Variants in SLC25A48 observed in about 807,000 individuals in gnomAD.
The protein encoded by SLC25A48 is CTC-321K16.1.
Under a neutral mutation model 32.2 loss-of-function variants are expected in SLC25A48, and 29 were observed. That is an observed-to-expected ratio of 0.90 (90% CI 0.67 to 1.23). The LOEUF (loss-of-function observed/expected upper bound fraction) is 1.23, where lower values mean the gene tolerates loss of function less well. Ranked by LOEUF, SLC25A48 falls within the 50% of genes most tolerant of loss-of-function variation. The probability of loss-of-function intolerance (pLI) is 0.00; values close to 1 mark genes in which losing one functional copy is unlikely to be tolerated. For missense variants in SLC25A48, 399 were observed against 422.7 expected (o/e 0.94, Z 0.49); for synonymous variants, 164 against 172.3 (o/e 0.95, Z 0.38).
intron 3 of SLC25A48, among the ~76,000 whole-genome samples, chr5:135,730,428 G>A (rs1755197475): frequency 6.6e-6 from 1 of 152,222 alleles, no homozygotes; most frequent in Non-Finnish European, 1.5e-5. Flanking sequence ...CACTTAGGAT[G>A]TGACTTGTTC....
At chr5:135,696,401 AAATTCT>A (rs1754267710) in intron 3 of SLC25A48, among the ~76,000 whole-genome samples, 1 of 152,232 alleles carries the variant, frequency 6.6e-6, no homozygotes, top group Non-Finnish European at 1.5e-5. Context: ...CACCTGTGCC[AAATTCT>A]GTGCCAGATA....
chr5:135,702,812 C>T (rs977599699), intron 3 of SLC25A48, among the ~76,000 whole-genome samples: 6 of 152,224 alleles, frequency 3.9e-5, no homozygotes, highest in African/African-American at 1.2e-4. Flanking sequence ...TCACAAAACA[C>T]GTGTTAGCGT....
In SLC25A48 at chr5:135,582,225, A is replaced by C. The variant is rs539576932; in HGVS notation, c.-849+2628A>C. ...GGATTTGCTTATTTCTTCTCTTTACATTTATTGAGCACCCACTGTGTCCCA... is the reference window on the plus strand; with the variant it reads ...GGATTTGCTTATTTCTTCTCTTTACCTTTATTGAGCACCCACTGTGTCCCA... On this transcript the variant is annotated intron_variant, in intron 1 of 10. Coordinates refer to the SLC25A48 transcript ENST00000646290. 2.6e-5 allele frequency among the ~76,000 whole-genome samples: 4 copies of C among 152,214 alleles called. No homozygotes were observed. The East Asian group carries it at 7.7e-4, about 29-fold the overall frequency.
chr5:135,759,079 CTA>C (rs1161085865), intron 3 of SLC25A48, among the ~76,000 whole-genome samples: 1 of 151,718 alleles, frequency 6.6e-6, no homozygotes, highest in Non-Finnish European at 1.5e-5. Context: ...TGAATAATAT[CTA>C]GTGTTAACAC....
intron 3 of SLC25A48, among the ~76,000 whole-genome samples, chr5:135,717,350 T>A (rs1400412758): frequency 2.0e-5 from 3 of 152,128 alleles, no homozygotes; most frequent in Admixed American, 6.5e-5. Context: ...GTGCCCTGCT[T>A]GAAGGTATCA....
chr5:135,706,151 T>C (rs1389381856), intron 3 of SLC25A48, among the ~76,000 whole-genome samples: 1 of 152,136 alleles, frequency 6.6e-6, no homozygotes, highest in Non-Finnish European at 1.5e-5. Flanking sequence ...TGGGTAAACA[T>C]AGCCTTTCTC....
intron 1 of SLC25A48, among the ~76,000 whole-genome samples, chr5:135,621,472 T>A (rs761945808): frequency 3.3e-5 from 5 of 152,170 alleles, no homozygotes; most frequent in Admixed American, 2.0e-4. Flanking sequence ...AAATAAGAGT[T>A]GTAGGAGTAT....
chr5:135,689,370 G>T (rs1754091956), intron 3 of SLC25A48, among the ~76,000 whole-genome samples: 1 of 152,122 alleles, frequency 6.6e-6, no homozygotes, highest in Non-Finnish European at 1.5e-5. Context: ...ATGGTTTTGG[G>T]GAAGGAATCA....
chr5:135,863,100 T>C (rs1487670739), intron 4 of SLC25A48, among the ~76,000 whole-genome samples: 1 of 152,018 alleles, frequency 6.6e-6, no homozygotes, highest in Non-Finnish European at 1.5e-5. Context: ...GCAGAGGCCC[T>C]GATGATATAG....
At chr5:135,673,512 A>G (rs559130468) in intron 3 of SLC25A48, among the ~76,000 whole-genome samples, 42 of 152,258 alleles carry the variant, frequency 2.8e-4, no homozygotes, top group Non-Finnish European at 5.6e-4. Flanking sequence ...TGACATTTGG[A>G]TATCTTCTTT....
chr5:135,853,397 C>A (rs1288154291), intron 4 of SLC25A48, among the ~76,000 whole-genome samples: 1 of 152,178 alleles, frequency 6.6e-6, no homozygotes, highest in Non-Finnish European at 1.5e-5. Flanking sequence ...GAACTTCTTT[C>A]AAAATTGGAG....
At chr5:135,764,123 A>G (rs1291088015) in intron 3 of SLC25A48, among the ~76,000 whole-genome samples, 2 of 152,100 alleles carry the variant, frequency 1.3e-5, no homozygotes, top group African/African-American at 4.8e-5. Flanking sequence ...CCTCTGTGAT[A>G]TGGTTTGTAA....
intron 4 of SLC25A48, among the ~76,000 whole-genome samples, chr5:135,822,595 C>T (rs1051332694): frequency 6.6e-6 from 1 of 152,172 alleles, no homozygotes; most frequent in East Asian, 1.9e-4. Flanking sequence ...CTTATAGGGA[C>T]AAGCCATTGG....
At chr5:135,864,215 T>A (rs1480032886) in intron 4 of SLC25A48, among the ~76,000 whole-genome samples, 3 of 152,198 alleles carry the variant, frequency 2.0e-5, no homozygotes, top group Non-Finnish European at 4.4e-5. Flanking sequence ...TTCTCTAGTT[T>A]CCCTGAATCC....
intron 3 of SLC25A48, among the ~76,000 whole-genome samples, chr5:135,696,627 CT>C (rs1163488014): frequency 1.3e-5 from 2 of 152,220 alleles, no homozygotes; most frequent in Admixed American, 6.5e-5. Flanking sequence ...AGGACAGGTC[CT>C]GGATTGTCAC....
intron 3 of SLC25A48, among the ~76,000 whole-genome samples, chr5:135,680,596 G>A (rs1279936347): frequency 1.3e-5 from 2 of 152,234 alleles, no homozygotes; most frequent in African/African-American, 4.8e-5. Flanking sequence ...CAAAGGAAGA[G>A]CAAAGGCACA....
At chr5:135,845,979 T>C (rs140594978) in intron 2 of SLC25A48, among the ~76,000 whole-genome samples, 105 of 152,302 alleles carry the variant, frequency 6.9e-4, no homozygotes, top group African/African-American at 2.5e-3. Context: ...CCCCAACTCC[T>C]ATACCGTACC....
chr5:135,882,475 CG>C (rs1762546339), intron 7 of SLC25A48, among the ~76,000 whole-genome samples: 1 of 151,940 alleles, frequency 6.6e-6, no homozygotes. Context: ...TAAGAAGTGG[CG>C]GGATGGGGAC....
chr5:135,621,790 A>C (rs1752331460), intron 1 of SLC25A48, among the ~76,000 whole-genome samples: 1 of 152,188 alleles, frequency 6.6e-6, no homozygotes, highest in African/African-American at 2.4e-5. Context: ...TTAGGTTCCC[A>C]AGCTCCACCC....
Sources: allele counts gnomAD v4.1 joint callset (sites outside exome capture counted in the v4.1 genomes callset), GRCh38; gene constraint gnomAD v4.1.1; transcripts MANE v1.5; gene names NCBI Gene and HGNC (gene_info 2026-07-23, HGNC 2026-07-21).